SLC24A2: variants seen among roughly 807,000 people sequenced by gnomAD.
The protein encoded by SLC24A2 is solute carrier family 24 member 2.
A neutral mutation model predicts 62.0 loss-of-function variants in SLC24A2; 36 were observed. That is an observed-to-expected ratio of 0.58 (90% CI 0.44 to 0.77). The LOEUF (loss-of-function observed/expected upper bound fraction) is 0.77, where lower values mean the gene tolerates loss of function less well. Ranked by LOEUF, SLC24A2 falls within the 30% of genes least tolerant of loss-of-function variation. The probability of loss-of-function intolerance (pLI) is 0.00; values close to 1 mark genes in which losing one functional copy is unlikely to be tolerated. For missense variants in SLC24A2, 846 were observed against 817.9 expected (o/e 1.03, Z -0.42); for synonymous variants, 358 against 294.0 (o/e 1.22, Z -2.23).
chr9:20,051,246 T>C, the SLC24A2 span, among the ~76,000 whole-genome samples: 1 of 152,142 alleles, frequency 6.6e-6, no homozygotes, highest in Non-Finnish European at 1.5e-5. Context: ...AAACGTTTAC[T>C]GAAAACAAAG....
chr9:20,124,402 G>C, the SLC24A2 span, among the ~76,000 whole-genome samples: 6 of 151,812 alleles, frequency 4.0e-5, no homozygotes, highest in African/African-American at 1.2e-4. Context: ...AAAAAGTTTT[G>C]GTATCTTTTT....
chr9:20,256,106 A>G, the SLC24A2 span, among the ~76,000 whole-genome samples: 4 of 152,202 alleles, frequency 2.6e-5, no homozygotes, highest in African/African-American at 9.7e-5. Flanking sequence ...CATTCCTGTG[A>G]TAACAGTATT....
chr9:19,515,912 G>C lies in SLC24A2; in HGVS notation c.*241C>G. On this transcript the variant is annotated 3_prime_UTR_variant, in exon 11 of 11. Transcript: ENST00000341998. ...TGTACTTGTCAGTGGTGAATAGGGA[G>C]AAGCCCTGTATTGACGGTTCTCTTT... 1 of 519,074 alleles carries C rather than the reference G, an allele frequency of 1.9e-6. No individual in the cohort carries two copies. Among genetic ancestry groups the C allele is most frequent in the Non-Finnish European group, 3.5e-6 (1 of 286,862 alleles). 32.2% of individuals were successfully genotyped at this position (519,074 alleles called of 1,614,324 possible). A position where few individuals can be genotyped will look rare whatever the true frequency, so the allele number is the denominator to read the frequency against.
chr9:20,205,027 G>A, the SLC24A2 span, among the ~76,000 whole-genome samples: 2 of 152,036 alleles, frequency 1.3e-5, no homozygotes, highest in East Asian at 1.9e-4. Context: ...TTGCAGGCGT[G>A]AGCCACTGCA....
chr9:19,622,986 G>C (rs546363123), intron 2 of SLC24A2, among the ~76,000 whole-genome samples: 1 of 152,082 alleles, frequency 6.6e-6, no homozygotes, highest in Admixed American at 6.6e-5. Flanking sequence ...TCTAAAAAGA[G>C]AAGTCTCTGT....
chr9:20,261,226 G>A, the SLC24A2 span, among the ~76,000 whole-genome samples: 4 of 152,156 alleles, frequency 2.6e-5, no homozygotes, highest in South Asian at 6.2e-4. Flanking sequence ...AACATACAAT[G>A]TCTGGTTTTC....
At chr9:20,249,930 A>G in the SLC24A2 span, among the ~76,000 whole-genome samples, 323 of 152,310 alleles carry the variant, frequency 2.1e-3, no homozygotes, top group African/African-American at 7.5e-3. Context: ...TCATATTCAA[A>G]TAAAAGAAAA....
rs1045417298 is a variant in SLC24A2, at chr9:19,561,142, C to G, written c.1348-10874G>C. 1.1e-3 allele frequency among the ~76,000 whole-genome samples: 165 copies of G among 151,642 alleles called. 1 individual carries two copies. The highest frequency in any genetic ancestry group is 3.7e-3 in the African/African-American group (151 of 41,334). On this transcript the variant is annotated intron_variant, in intron 7 of 10. Coordinates refer to ENST00000341998, the MANE Select transcript of SLC24A2 (RefSeq NM_020344.4). ...GTGGGTTTTTACCATGTTGGCCAGG[C>G]TGGTCTTGAACTCTTGACCTCAAGT...
the SLC24A2 span, among the ~76,000 whole-genome samples, chr9:20,009,417 A>T: frequency 6.7e-6 from 1 of 150,316 alleles, no homozygotes; most frequent in East Asian, 2.0e-4. Flanking sequence ...CGGGCGGGTG[A>T]TAGAGTTCAC....
chr9:20,217,487 G>C, the SLC24A2 span, among the ~76,000 whole-genome samples: 4 of 150,096 alleles, frequency 2.7e-5, no homozygotes, highest in African/African-American at 9.8e-5. Flanking sequence ...GCACTTTATT[G>C]TAAGTTTTTT....
At chr9:20,245,982 G>A in the SLC24A2 span, among the ~76,000 whole-genome samples, 1 of 152,146 alleles carries the variant, frequency 6.6e-6, no homozygotes, top group African/African-American at 2.4e-5. Flanking sequence ...GGGGAGCCAG[G>A]ATTTGAACAC....
At chr9:20,158,012 A>G in the SLC24A2 span, among the ~76,000 whole-genome samples, 1 of 151,710 alleles carries the variant, frequency 6.6e-6, no homozygotes, top group African/African-American at 2.4e-5. Flanking sequence ...CCAATAAACC[A>G]TACAGCAGAA....
intron 2 of SLC24A2, among the ~76,000 whole-genome samples, chr9:19,663,405 G>A (rs1587117879): frequency 1.3e-5 from 2 of 152,150 alleles, no homozygotes; most frequent in African/African-American, 4.8e-5. Flanking sequence ...ATGGGAGAGA[G>A]CACAATGCAT....
the SLC24A2 span, among the ~76,000 whole-genome samples, chr9:20,071,753 C>A: frequency 4.6e-5 from 7 of 152,226 alleles, no homozygotes; most frequent in Admixed American, 2.6e-4. Context: ...AGTTTCAGAA[C>A]TGAACTGTGG....
At chr9:20,177,769 T>C in the SLC24A2 span, among the ~76,000 whole-genome samples, 2 of 152,158 alleles carry the variant, frequency 1.3e-5, no homozygotes, top group African/African-American at 4.8e-5. Context: ...GAGAGTTGAC[T>C]ATACCACATA....
the SLC24A2 span, among the ~76,000 whole-genome samples, chr9:19,998,419 A>G: frequency 6.6e-6 from 1 of 152,128 alleles, no homozygotes; most frequent in Non-Finnish European, 1.5e-5. Flanking sequence ...GAGCCTTGTG[A>G]GACATTTTAA....
At chr9:19,821,374 G>T in the SLC24A2 span, among the ~76,000 whole-genome samples, 1 of 152,032 alleles carries the variant, frequency 6.6e-6, no homozygotes, top group Non-Finnish European at 1.5e-5. Context: ...CTATTGCTGT[G>T]CATCTTATAG....
chr9:19,642,462 C>A lies in SLC24A2; in HGVS notation c.931-20163G>T, dbSNP rs1818524459. On this transcript the variant is annotated intron_variant, in intron 2 of 10. Coordinates refer to ENST00000341998, the MANE Select transcript of SLC24A2 (RefSeq NM_020344.4). ...TCCATGGCCTACACAGGGCTGACAC[C>A]AGCTGGCAGTGTACAAAAATCACAG... Among the ~76,000 whole-genome samples the A allele has an allele frequency of 2.0e-5, 3 of 152,188 alleles. No homozygotes were observed. The East Asian group carries it at 5.8e-4, about 29-fold the overall frequency.
the SLC24A2 span, among the ~76,000 whole-genome samples, chr9:20,142,373 C>G: frequency 6.6e-6 from 1 of 152,014 alleles, no homozygotes; most frequent in Admixed American, 6.6e-5. Flanking sequence ...TTATTTGCCT[C>G]CCAAAGCCTG....
Sources: allele counts gnomAD v4.1 joint callset (sites outside exome capture counted in the v4.1 genomes callset), GRCh38; gene constraint gnomAD v4.1.1; transcripts MANE v1.5; gene names NCBI Gene and HGNC (gene_info 2026-07-23, HGNC 2026-07-21).